WARS2: variants seen among roughly 807,000 people sequenced by gnomAD.
WARS2 encodes the protein tryptophanyl tRNA synthetase 2, mitochondrial, also known as tryptophan--tRNA ligase, mitochondrial.
In WARS2, 28 loss-of-function variants were observed where a neutral mutation model predicts 36.5. The ratio of observed to expected loss-of-function variants is 0.77; its 90% confidence interval spans 0.57 to 1.05. The LOEUF is 1.05. Ranked by LOEUF, WARS2 falls within the 50% of genes least tolerant of loss-of-function variation. The probability of loss-of-function intolerance (pLI) is 0.00; values close to 1 mark genes in which losing one functional copy is unlikely to be tolerated. For missense variants in WARS2, 435 were observed against 456.8 expected (o/e 0.95, Z 0.44); for synonymous variants, 174 against 178.4 (o/e 0.98, Z 0.20).
At chr1:119,120,805 C>T (rs748370155) in intron 1 of WARS2, among the ~76,000 whole-genome samples, 1 of 152,090 alleles carries the variant, frequency 6.6e-6, no homozygotes, top group Non-Finnish European at 1.5e-5. Context: ...ATATGATCAT[C>T]TCAACAGATG....
intron 1 of WARS2, chr1:119,140,196 T>G (rs897329721): frequency 5.3e-6 from 1 of 188,568 alleles, no homozygotes; most frequent in Non-Finnish European, 1.1e-5. Flanking sequence ...GTAAAAACAG[T>G]AATAAGACCA....
intron 1 of WARS2, among the ~76,000 whole-genome samples, chr1:119,102,057 T>C (rs1049752416): frequency 1.7e-4 from 1 of 6,004 alleles, no homozygotes; most frequent in African/African-American, 7.4e-4. Context: ...GAAGCGGTGG[T>C]GGCGGTGGGG....
chr1:119,076,263 GA>G lies in WARS2; in HGVS notation c.348+86del, dbSNP rs1181117254. 5 of 1,492,512 alleles carry G rather than the reference GA, an allele frequency of 3.4e-6. No individual in the cohort carries two copies. The Admixed American group carries it at 1.1e-4, about 33-fold the overall frequency. The allele number at this position is 1,492,512 out of a possible 1,614,324, so 92.5% of individuals were successfully genotyped here. ...CCTTCAAACACTTTTTAAAAATCAC[GA>G]GCAGGGGCTGTATGAACCATTCAAC... On this transcript the variant is annotated intron_variant, in intron 2 of 5. Coordinates refer to ENST00000235521, the MANE Select transcript of WARS2 (RefSeq NM_015836.4).
At chr1:119,058,599 AT>A (rs958038372) in intron 2 of WARS2, among the ~76,000 whole-genome samples, 1 of 125,266 alleles carries the variant, frequency 8.0e-6, no homozygotes, top group African/African-American at 3.8e-5. Flanking sequence ...GAGAATGATG[AT>A]TTCCAATTTC....
intron 1 of WARS2, among the ~76,000 whole-genome samples, chr1:119,110,224 T>C (rs1045670128): frequency 6.6e-6 from 1 of 152,052 alleles, no homozygotes; most frequent in African/African-American, 2.4e-5. Flanking sequence ...CTTTCTCTGA[T>C]GCATTTTCTT....
chr1:119,075,028 T>G (rs181260864), intron 2 of WARS2, among the ~76,000 whole-genome samples: 207 of 152,224 alleles, frequency 1.4e-3, no homozygotes, highest in Non-Finnish European at 2.3e-3. Context: ...AATCACCTAT[T>G]GAGTACAATG....
chr1:119,140,447 C>G, intron 1 of WARS2, 108 bp downstream of exon 1: 1 of 984,904 alleles, frequency 1.0e-6, no homozygotes, highest in Non-Finnish European at 1.5e-6. Flanking sequence ...CGAGGGAAGG[C>G]ATGTACTTTC....
Position 119,032,813 on chromosome 1 carries a change from G to A in WARS2, c.*98C>T. On this transcript the variant is annotated 3_prime_UTR_variant, in exon 6 of 6. Coordinates refer to ENST00000235521, the MANE Select transcript of WARS2 (RefSeq NM_015836.4). ...AATAATCAGCTATACCAAATTAAAT[G>A]TCCCAAAACTATAACTTTTTCTTTT... 8.5e-7 allele frequency: 1 copy of A among 1,172,636 alleles called. No homozygotes were observed. Among genetic ancestry groups the A allele is most frequent in the African/African-American group, 1.5e-5 (1 of 64,792 alleles). 72.6% of individuals were successfully genotyped at this position (1,172,636 alleles called of 1,614,324 possible).
intron 1 of WARS2, among the ~76,000 whole-genome samples, chr1:119,077,581 A>G (rs1651844345): frequency 6.6e-6 from 1 of 152,118 alleles, no homozygotes; most frequent in Admixed American, 6.6e-5. Context: ...TACATTTTCT[A>G]TGCCTTGGTT....
intron 2 of WARS2, among the ~76,000 whole-genome samples, chr1:119,071,553 C>T (rs1221046597): frequency 6.6e-6 from 1 of 152,090 alleles, no homozygotes; most frequent in Non-Finnish European, 1.5e-5. Context: ...CATGGATGAA[C>T]CCAGAGGACA....
chr1:119,036,238 A>AGTT (rs1647875776), intron 4 of WARS2, among the ~76,000 whole-genome samples: 2 of 141,900 alleles, frequency 1.4e-5, no homozygotes, highest in South Asian at 4.4e-4. Flanking sequence ...AAAATAAATA[A>AGTT]GTTAATGTGG....
At position 119,105,915 on chromosome 1, in the gene WARS2, AATAAAAGTGTAT is replaced by A. The variant is rs368846532; in HGVS notation, c.91-29320_91-29309del. Among the ~76,000 whole-genome samples the A allele has an allele frequency of 7.7e-3, 1,179 of 152,294 alleles. 11 individuals carry two copies. Among genetic ancestry groups the A allele is most frequent in the African/African-American group, 0.027 (1,120 of 41,558 alleles). On this transcript the variant is annotated intron_variant, in intron 1 of 5. Coordinates refer to ENST00000235521, the MANE Select transcript of WARS2 (RefSeq NM_015836.4). ...ACAGAGTGAGACTCCATCTCAAAAAAATAAAAGTGTATTAGGAGGGAGGGTGGAGTCAACTGT... is the reference window on the plus strand; with the variant it reads ...ACAGAGTGAGACTCCATCTCAAAAAATAGGAGGGAGGGTGGAGTCAACTGT...
At chr1:119,065,195 AATACT>A (rs1650725368) in intron 2 of WARS2, among the ~76,000 whole-genome samples, 1 of 152,198 alleles carries the variant, frequency 6.6e-6, no homozygotes, top group Non-Finnish European at 1.5e-5. Context: ...TTATAGTGAA[AATACT>A]ATAACATATC....
chr1:119,102,870 C>T (rs1342210811), intron 1 of WARS2, among the ~76,000 whole-genome samples: 1 of 152,218 alleles, frequency 6.6e-6, no homozygotes, highest in Non-Finnish European at 1.5e-5. Flanking sequence ...AATCTATCAA[C>T]TGACACTGTT....
At chr1:119,066,881 T>C (rs773714174) in intron 2 of WARS2, among the ~76,000 whole-genome samples, 48 of 152,182 alleles carry the variant, frequency 3.2e-4, no homozygotes, top group Non-Finnish European at 5.7e-4. Flanking sequence ...AATGTACTCT[T>C]AGGCATATAT....
At chr1:119,078,406 T>C (rs1245044349) in intron 1 of WARS2, among the ~76,000 whole-genome samples, 3 of 152,206 alleles carry the variant, frequency 2.0e-5, no homozygotes, top group East Asian at 1.9e-4. Flanking sequence ...TCTTCAATTG[T>C]AGTACTTCAA....
At chr1:119,072,298 G>A (rs1651386686) in intron 2 of WARS2, among the ~76,000 whole-genome samples, 1 of 152,152 alleles carries the variant, frequency 6.6e-6, no homozygotes, top group African/African-American at 2.4e-5. Context: ...CGGGCAGTAG[G>A]TAAGCACAGC....
chr1:119,098,582 C>T (rs587697809), intron 1 of WARS2, among the ~76,000 whole-genome samples: 123 of 149,386 alleles, frequency 8.2e-4, no homozygotes, highest in African/African-American at 2.9e-3. Context: ...GCATTACAGG[C>T]GCCCGCCATC....
At chr1:119,054,905 G>A (rs561893739) in intron 2 of WARS2, among the ~76,000 whole-genome samples, 2 of 152,240 alleles carry the variant, frequency 1.3e-5, no homozygotes, top group East Asian at 3.9e-4. Context: ...GTGGGGGAGA[G>A]GGGAATGAGT....
Sources: allele counts gnomAD v4.1 joint callset (sites outside exome capture counted in the v4.1 genomes callset), GRCh38; gene constraint gnomAD v4.1.1; transcripts MANE v1.5; gene names NCBI Gene and HGNC (gene_info 2026-07-23, HGNC 2026-07-21).